Variants in C9 observed in about 807,000 individuals in gnomAD.
C9 encodes the protein complement C9.
In C9, 63 loss-of-function variants were observed where a neutral mutation model predicts 65.4. That is an observed-to-expected ratio of 0.96 (90% CI 0.79 to 1.19). The LOEUF is 1.19. C9 is among the 50% of genes most tolerant of loss of function. The pLI is 0.00. For missense variants in C9, 744 were observed against 670.1 expected, an observed-to-expected ratio of 1.11 and a Z score of -1.22; for synonymous variants, 229 against 227.9, an observed-to-expected ratio of 1.00 and a Z score of -0.04.
chr5:39,306,497 TG>T, intron 9 of C9, 119 bp downstream of exon 9: 2 of 816,000 alleles, frequency 2.5e-6, no homozygotes. Flanking sequence ...GGGGAAGAAA[TG>T]GGAGTGTATC....
At chr5:39,287,311 T>C (rs760734916) in intron 10 of C9, among the ~76,000 whole-genome samples, 47 of 152,162 alleles carry the variant, frequency 3.1e-4, no homozygotes, top group Non-Finnish European at 5.6e-4. Flanking sequence ...CTAGGATTTT[T>C]ATAGTTTCAG....
intron 9 of C9, among the ~76,000 whole-genome samples, chr5:39,306,285 G>A (rs1561336480): frequency 6.6e-6 from 1 of 152,186 alleles, no homozygotes; most frequent in Middle Eastern, 3.4e-3. Context: ...AATCATATGT[G>A]AGTACCTATC....
chr5:39,319,395 C>T (rs1341359800), intron 5 of C9, among the ~76,000 whole-genome samples: 2 of 152,084 alleles, frequency 1.3e-5, no homozygotes, highest in African/African-American at 2.4e-5. Flanking sequence ...AGGCCAGTTT[C>T]ACAGACAAAG....
chr5:39,314,380 C>T (rs1337955601), intron 6 of C9, among the ~76,000 whole-genome samples: 4 of 151,812 alleles, frequency 2.6e-5, no homozygotes, highest in African/African-American at 9.7e-5. Context: ...ACCTGGGAGG[C>T]GGAAGTTGTG....
chr5:39,361,496 C>A (rs1035500294), intron 1 of C9, among the ~76,000 whole-genome samples: 4 of 152,180 alleles, frequency 2.6e-5, no homozygotes, highest in Non-Finnish European at 4.4e-5. Context: ...TTCCTGTTTG[C>A]CTGGCACTGT....
chr5:39,292,740 T>C (rs1207749662), intron 9 of C9, among the ~76,000 whole-genome samples: 1 of 151,378 alleles, frequency 6.6e-6, no homozygotes, highest in Non-Finnish European at 1.5e-5. Flanking sequence ...AAAAATAGCA[T>C]TAAAAATGGG....
intron 1 of C9, among the ~76,000 whole-genome samples, chr5:39,353,672 A>G (rs1754364194): frequency 6.6e-6 from 1 of 152,218 alleles, no homozygotes; most frequent in South Asian, 2.1e-4. Flanking sequence ...TCAAATATAT[A>G]TTAATTTCCT....
chr5:39,364,343 C>A (rs1046240805), intron 1 of C9, 45 bp downstream of exon 1: 1 of 1,069,728 alleles, frequency 9.3e-7, no homozygotes, highest in African/African-American at 1.5e-5. Flanking sequence ...AGATGCTAAT[C>A]CTACAGGAAA....
At chr5:39,333,759 G>A (rs1467484263) in intron 4 of C9, among the ~76,000 whole-genome samples, 5 of 151,908 alleles carry the variant, frequency 3.3e-5, no homozygotes, top group Admixed American at 6.6e-5. Flanking sequence ...TTGCAGGCGC[G>A]CACCGCCACG....
intron 1 of C9, among the ~76,000 whole-genome samples, chr5:39,361,101 C>T (rs1209336554): frequency 1.3e-5 from 2 of 150,008 alleles, no homozygotes; most frequent in East Asian, 3.9e-4. Context: ...CCAGGACATG[C>T]CATGAAGTAA....
intron 10 of C9, 87 bp from the exon 11 acceptor site, chr5:39,285,320 A>G: frequency 1.0e-6 from 1 of 991,568 alleles, no homozygotes. Context: ...TCACCTTCTT[A>G]TCCTCTTGCA....
At chr5:39,305,061 C>T (rs558449808) in intron 9 of C9, among the ~76,000 whole-genome samples, 20 of 152,128 alleles carry the variant, frequency 1.3e-4, no homozygotes, top group Non-Finnish European at 2.2e-4. Flanking sequence ...ATGTTCACCT[C>T]GATGTAAATA....
intron 9 of C9, among the ~76,000 whole-genome samples, chr5:39,304,046 A>C (rs1445834236): frequency 3.3e-5 from 5 of 152,118 alleles, no homozygotes; most frequent in Non-Finnish European, 7.4e-5. Context: ...TTAATATTAG[A>C]AGTGTTTCAG....
chr5:39,353,622 T>A (rs1554052159), intron 1 of C9, among the ~76,000 whole-genome samples: 1 of 152,232 alleles, frequency 6.6e-6, no homozygotes, highest in Admixed American at 6.5e-5. Flanking sequence ...TGTTCTCATA[T>A]TTCATTGAAT....
chr5:39,288,706 A>G lies in C9; in HGVS notation c.1645+17T>C, dbSNP rs377753602. ...GCATATTTTTGTCTTTAATCACATC[A>G]AATAAATTGTCCTCACCTTCAGAAA... On this transcript the variant is annotated intron_variant, in intron 10 of 10. Transcript: ENST00000263408. 2.8e-6 allele frequency: 4 copies of G among 1,446,534 alleles called. No homozygotes were observed. In the Admixed American group the frequency reaches 5.0e-5, roughly 18 times the overall value. The allele number at this position is 1,446,534 out of a possible 1,614,324, so 89.6% of individuals were successfully genotyped here.
chr5:39,323,229 C>T (rs1444481949), intron 5 of C9, among the ~76,000 whole-genome samples: 7 of 151,822 alleles, frequency 4.6e-5, no homozygotes, highest in Non-Finnish European at 1.5e-5. Context: ...ATGAAGTCTA[C>T]CAGATATTTA....
chr5:39,316,463 G>A (rs999711974), intron 5 of C9, among the ~76,000 whole-genome samples: 31 of 152,112 alleles, frequency 2.0e-4, no homozygotes, highest in Admixed American at 1.8e-3. Flanking sequence ...CAGGTATTAA[G>A]CCCAACATCC....
chr5:39,345,252 A>G (rs949839239), intron 1 of C9, among the ~76,000 whole-genome samples: 11 of 152,244 alleles, frequency 7.2e-5, no homozygotes, highest in African/African-American at 1.9e-4. Flanking sequence ...GTAAAGACCC[A>G]TCAGTGTGCT....
chr5:39,319,671 C>T (rs1055504950), intron 5 of C9, among the ~76,000 whole-genome samples: 14 of 152,150 alleles, frequency 9.2e-5, no homozygotes, highest in Admixed American at 6.5e-4. Context: ...AAATCAGGCG[C>T]GAGACCAGGG....
Sources: allele counts gnomAD v4.1 joint callset (sites outside exome capture counted in the v4.1 genomes callset), GRCh38; gene constraint gnomAD v4.1.1; transcripts MANE v1.5; gene names NCBI Gene and HGNC (gene_info 2026-07-23, HGNC 2026-07-21).